Variants in HEPH observed in about 807,000 individuals in gnomAD.
HEPH encodes the protein hephaestin.
HEPH carries 69 observed loss-of-function variants against 80.8 expected under a neutral mutation model. The observed-to-expected ratio is 0.85, with a 90% CI of 0.70 to 1.04. The LOEUF is 1.04. Among genes scored for constraint, HEPH ranks in the 50% least tolerant of loss-of-function variants. The pLI is 0.00. For synonymous variants in HEPH, 431 were observed against 322.8 expected (o/e 1.34, Z -3.60); for missense variants, 1,115 against 891.3 (o/e 1.25, Z -3.20).
chrX:66,237,052 C>A (rs989988788), intron 15 of HEPH, among the ~76,000 whole-genome samples: 18 of 110,429 alleles, frequency 1.6e-4, no homozygotes, highest in African/African-American at 5.9e-4. Flanking sequence ...TTATTAGTTA[C>A]TTCAAAAAAC....
chrX:66,244,175 A>T (rs1168874705), intron 15 of HEPH, among the ~76,000 whole-genome samples: 1 of 111,574 alleles, frequency 9.0e-6, no homozygotes, highest in Non-Finnish European at 1.9e-5. Context: ...CTTGTATAGT[A>T]TCTTTCAGGT....
At chrX:66,206,339 CTTTTTTTTTTTTTTTTTTTTTTTTTT>C (rs760184190) in intron 13 of HEPH, among the ~76,000 whole-genome samples, 4 of 14,064 alleles carry the variant, frequency 2.8e-4, no homozygotes, top group East Asian at 2.7e-3. Flanking sequence ...AACCTGCCAT[CTTTTTTTTTTTTTTTTTTTTTTTTTT>C]TTTTTTTTTT....
intron 15 of HEPH, among the ~76,000 whole-genome samples, chrX:66,254,813 A>G (rs942894969): frequency 4.8e-5 from 5 of 105,062 alleles, no homozygotes; most frequent in African/African-American, 1.7e-4. Flanking sequence ...GCCTTACTAG[A>G]GGATTGGACC....
At chrX:66,249,243 A>T (rs1316074484) in intron 15 of HEPH, among the ~76,000 whole-genome samples, 4 of 111,500 alleles carry the variant, frequency 3.6e-5, no homozygotes, top group African/African-American at 9.8e-5. Context: ...GCATGGGCTC[A>T]AATTTCAGCT....
chrX:66,256,076 C>G lies in HEPH; in HGVS notation c.2671-29C>G, dbSNP rs753708488. Reference sequence around the variant, plus strand: ...TACCCAGAAACAACTCCATCTCTTTCTCTCTCTCCCACTTCCTCCCTTCCT... The same window carrying G: ...TACCCAGAAACAACTCCATCTCTTTGTCTCTCTCCCACTTCCTCCCTTCCT... On this transcript the variant is annotated intron_variant, in intron 16 of 20. Coordinates refer to ENST00000343002, the MANE Select transcript of HEPH (RefSeq NM_001367233.3). 6.2e-6 allele frequency: 7 copies of G among 1,123,524 alleles called. No homozygotes were observed. In the South Asian group the frequency reaches 7.8e-5, roughly 12 times the overall value. 92.6% of individuals were successfully genotyped at this position (1,123,524 alleles called of 1,213,427 possible).
intron 15 of HEPH, among the ~76,000 whole-genome samples, chrX:66,228,258 C>G (rs1068534): frequency 0.28 from 30,714 of 111,401 alleles, 4,009 homozygotes; most frequent in African/African-American, 0.51. Context: ...GGAAAGCACG[C>G]CCATGATTCA....
At chrX:66,233,143 A>G (rs917673261) in intron 15 of HEPH, among the ~76,000 whole-genome samples, 3 of 112,121 alleles carry the variant, frequency 2.7e-5, no homozygotes, top group Non-Finnish European at 5.6e-5. Context: ...TAGTTTACAC[A>G]ATTAATTACA....
At chrX:66,218,333 A>T (rs916612122) in intron 15 of HEPH, among the ~76,000 whole-genome samples, 1 of 112,115 alleles carries the variant, frequency 8.9e-6, no homozygotes. Context: ...AACTGAAATT[A>T]TATAAAATAC....
chrX:66,201,244 T>A (rs1241896863), intron 12 of HEPH, among the ~76,000 whole-genome samples: 1 of 110,418 alleles, frequency 9.1e-6, no homozygotes, highest in Non-Finnish European at 1.9e-5. Context: ...CGTGTGTGTG[T>A]TTGTGTGTGT....
At position 66,267,296 on chromosome X, in the gene HEPH, T is replaced by C. The variant is rs1339016561; in HGVS notation, c.*624T>C. 8.9e-6 allele frequency: 1 copy of C among 112,484 alleles called. No individual in the cohort carries two copies. Among genetic ancestry groups the C allele is most frequent in the Non-Finnish European group, 1.9e-5 (1 of 53,468 alleles). 9.3% of individuals were successfully genotyped at this position (112,484 alleles called of 1,213,427 possible). ...CCTCAGGAAAGCCAGTTCTCCAAGT[T>C]CTTAACCTGTGGCACTGAAAGGAAT... On this transcript the variant is annotated 3_prime_UTR_variant, in exon 21 of 21. Coordinates refer to ENST00000343002, the MANE Select transcript of HEPH (RefSeq NM_001367233.3).
rs1388568119 is a variant in HEPH, at chrX:66,164,396, G to A, written c.-88G>A. The A allele has an allele frequency of 5.7e-5, 43 of 753,128 alleles. No individual in the cohort carries two copies. The highest frequency in any genetic ancestry group is 6.7e-5 in the Non-Finnish European group (43 of 638,257). The allele number at this position is 753,128 out of a possible 1,213,427, so 62.1% of individuals were successfully genotyped here. A position where few individuals can be genotyped will look rare whatever the true frequency, so the allele number is the denominator to read the frequency against. Reference sequence around the variant, plus strand: ...AAGATACTGACTGAACATGGCTGGCGGACTCAGGCTGGGGTCTGCAGTGCA... The same window carrying A: ...AAGATACTGACTGAACATGGCTGGCAGACTCAGGCTGGGGTCTGCAGTGCA... On this transcript the variant is annotated 5_prime_UTR_variant, in exon 1 of 21. Coordinates refer to ENST00000343002, the MANE Select transcript of HEPH (RefSeq NM_001367233.3).
intron 13 of HEPH, among the ~76,000 whole-genome samples, chrX:66,204,524 A>G (rs2147817677): frequency 8.9e-6 from 1 of 112,566 alleles, no homozygotes. Flanking sequence ...TACAATTATG[A>G]AAACAAAAAT....
intron 15 of HEPH, among the ~76,000 whole-genome samples, chrX:66,208,961 G>T (rs982845593): frequency 9.2e-6 from 1 of 109,106 alleles, no homozygotes; most frequent in Admixed American, 9.9e-5. Context: ...CACATACTAA[G>T]CTCCTAATAC....
intron 7 of HEPH, among the ~76,000 whole-genome samples, chrX:66,192,783 C>G (rs1473063942): frequency 9.0e-6 from 1 of 111,548 alleles, no homozygotes; most frequent in Non-Finnish European, 1.9e-5. Context: ...CATGCCCATT[C>G]TTTTGAAGGA....
At chrX:66,170,482 C>A in intron 1 of HEPH, 76 bp from the exon 2 acceptor site, 1 of 950,084 alleles carries the variant, frequency 1.1e-6, no homozygotes, top group Non-Finnish European at 1.4e-6. Flanking sequence ...CTTGCCTCTT[C>A]AGTTTTCTGG....
At chrX:66,263,974 G>A (rs2091448191) in intron 20 of HEPH, among the ~76,000 whole-genome samples, 1 of 110,515 alleles carries the variant, frequency 9.0e-6, no homozygotes, top group Admixed American at 9.8e-5. Flanking sequence ...ATGTGTGAGG[G>A]GGGAAGTAAA....
At chrX:66,243,137 G>A (rs1436349293) in intron 15 of HEPH, among the ~76,000 whole-genome samples, 2 of 111,854 alleles carry the variant, frequency 1.8e-5, no homozygotes, top group East Asian at 5.6e-4. Flanking sequence ...ATTCACTATG[G>A]TGTACTAGGC....
At chrX:66,230,837 A>G (rs1179798819) in intron 15 of HEPH, among the ~76,000 whole-genome samples, 1 of 98,698 alleles carries the variant, frequency 1.0e-5, no homozygotes, top group East Asian at 3.2e-4. Context: ...TGTTTTGGAC[A>G]TGAAGTCCTT....
chrX:66,246,365 G>C (rs972380889), intron 15 of HEPH, among the ~76,000 whole-genome samples: 10 of 111,694 alleles, frequency 9.0e-5, no homozygotes, highest in Non-Finnish European at 3.8e-5. Context: ...AGTTTAGGTA[G>C]AAGTGAGACC....
Sources: allele counts gnomAD v4.1 joint callset (sites outside exome capture counted in the v4.1 genomes callset), GRCh38; gene constraint gnomAD v4.1.1; transcripts MANE v1.5; gene names NCBI Gene and HGNC (gene_info 2026-07-23, HGNC 2026-07-21).